NUMA1: variants seen among roughly 807,000 people sequenced by gnomAD.
NUMA1 encodes SP-H antigen.
NUMA1 carries 62 observed loss-of-function variants against 237.1 expected under a neutral mutation model. That is an observed-to-expected ratio of 0.26 (90% CI 0.21 to 0.32). NUMA1 has a LOEUF of 0.32. Among genes scored for constraint, NUMA1 ranks in the 10% least tolerant of loss-of-function variants. The probability of loss-of-function intolerance (pLI) is 1.00; values close to 1 mark genes in which losing one functional copy is unlikely to be tolerated. For missense variants in NUMA1, 2,533 were observed against 2,666.5 expected (o/e 0.95, Z 1.10); for synonymous variants, 1,028 against 1,066.1 (o/e 0.96, Z 0.70).
At chr11:72,065,793 T>C (rs1943171639) in intron 2 of NUMA1, 1 of 152,230 alleles carries the variant, frequency 6.6e-6, no homozygotes, top group African/African-American at 2.4e-5. Flanking sequence ...TCATAATGTA[T>C]ATGCCTAAGA....
Position 72,018,300 on chromosome 11 carries a change from G to C in NUMA1, c.861C>G (p.Ser287Arg). 1 of 1,613,666 alleles carries C rather than the reference G, an allele frequency of 6.2e-7. No homozygotes were observed. Among genetic ancestry groups the C allele is most frequent in the Non-Finnish European group, 8.5e-7 (1 of 1,179,518 alleles). ...GGGTTTCATGCAGCCGCATGGTAAGGCTGCGAGGGAGGGAAGCAGTGAGAA... is the reference window on the plus strand; with the variant it reads ...GGGTTTCATGCAGCCGCATGGTAAGCCTGCGAGGGAGGGAAGCAGTGAGAA... Reference protein sequence around the residue: ...ELEELRDKNESLTMRLHETLK... With the variant: ...ELEELRDKNERLTMRLHETLK... The change falls in exon 12 of 27, where the codon AGC becomes AGG. Residue 287 changes from serine to arginine, a missense_variant and splice_region_variant. Around this residue, in one of 3 missense-constraint regions of NUMA1, gnomAD observed 1,414 missense variants for 1,508.1 expected, o/e 0.94. Coordinates refer to ENST00000393695, the MANE Select transcript of NUMA1 (RefSeq NM_006185.4).
intron 1 of NUMA1, among the ~76,000 whole-genome samples, chr11:72,079,479 G>A (rs1478563492): frequency 6.6e-6 from 1 of 152,006 alleles, no homozygotes; most frequent in Non-Finnish European, 1.5e-5. Flanking sequence ...GGCAGAGGTT[G>A]CAGTGAGCCG....
At chr11:72,052,210 C>G (rs763711884) in intron 2 of NUMA1, among the ~76,000 whole-genome samples, 1 of 152,076 alleles carries the variant, frequency 6.6e-6, no homozygotes, top group Non-Finnish European at 1.5e-5. Flanking sequence ...TTCTTGCTTT[C>G]ATGGAAAGAT....
chr11:72,028,152 A>C lies in NUMA1; in HGVS notation c.128+1053T>G, dbSNP rs1339918245. Among the ~76,000 whole-genome samples, 17 of 152,238 alleles carry C rather than the reference A, an allele frequency of 1.1e-4. 1 individual carries two copies. On this transcript the variant is annotated intron_variant, in intron 4 of 26. Coordinates refer to ENST00000393695, the MANE Select transcript of NUMA1 (RefSeq NM_006185.4). Reference sequence around the variant, plus strand: ...TGGCCCCGCTAGACCTTGCTGATAGAGAACACCAACTCATCTCTTCACTCA... The same window carrying C: ...TGGCCCCGCTAGACCTTGCTGATAGCGAACACCAACTCATCTCTTCACTCA...
Position 72,015,028 on chromosome 11 carries a change from T to C in NUMA1, c.2475A>G (p.Ala825=), listed in dbSNP as rs777614169. 2 of 1,614,160 alleles carry C rather than the reference T, an allele frequency of 1.2e-6. No homozygotes were observed. The highest frequency in any genetic ancestry group is 1.7e-6 in the Non-Finnish European group (2 of 1,180,042). The change falls in exon 15 of 27, where the codon GCA becomes GCG. Residue 825 remains alanine (A), a synonymous_variant. Transcript: ENST00000393695. This position sits in a 1 kb window ranked among gnomAD's most constrained non-coding sequence, Gnocchi z 4.0. The part of the protein sequence containing the change: ...ERYEDSQQEE[A]QYGAMFQEQL... Reference sequence around the variant, plus strand: ...GTTCCTGGAACATGGCGCCATACTGTGCCTCCTCTTGCTGGCTATCCTCAT... The same window carrying C: ...GTTCCTGGAACATGGCGCCATACTGCGCCTCCTCTTGCTGGCTATCCTCAT...
At chr11:72,057,800 T>C (rs1456502028) in intron 2 of NUMA1, among the ~76,000 whole-genome samples, 1 of 150,994 alleles carries the variant, frequency 6.6e-6, no homozygotes, top group Non-Finnish European at 1.5e-5. Context: ...CTGGGTGCGG[T>C]GGCTCACGCC....
chr11:72,005,791 A>C, intron 22 of NUMA1: 1 of 544,878 alleles, frequency 1.8e-6, no homozygotes, highest in Non-Finnish European at 3.2e-6. Flanking sequence ...CCCCACAGCT[A>C]AGTGTCACAA....
intron 1 of NUMA1, among the ~76,000 whole-genome samples, chr11:72,079,602 G>A (rs1256769515): frequency 6.6e-6 from 1 of 152,118 alleles, no homozygotes; most frequent in Non-Finnish European, 1.5e-5. Context: ...CCCAGAGGCG[G>A]CAGCATCAAC....
intron 2 of NUMA1, among the ~76,000 whole-genome samples, chr11:72,043,220 T>C (rs183830120): frequency 1.3e-5 from 2 of 149,912 alleles, no homozygotes; most frequent in African/African-American, 4.9e-5. Context: ...TAGTAGCTGG[T>C]GGGGCACGGT....
intron 2 of NUMA1, chr11:72,066,552 C>T (rs1943210023): frequency 6.6e-6 from 1 of 152,192 alleles, no homozygotes; most frequent in African/African-American, 2.4e-5. Context: ...AGCTGTGTGC[C>T]TTTGCCCATG....
At chr11:72,070,718 G>A (rs1308499812) in intron 1 of NUMA1, among the ~76,000 whole-genome samples, 1 of 152,116 alleles carries the variant, frequency 6.6e-6, no homozygotes, top group Non-Finnish European at 1.5e-5. Context: ...GCAGTGAGCT[G>A]AGACCGTGCC....
At chr11:72,005,851 A>G (rs1590858025) in intron 22 of NUMA1, 184 bp downstream of exon 22, 1 of 604,842 alleles carries the variant, frequency 1.7e-6, no homozygotes, top group East Asian at 2.8e-5. Context: ...TGCCCCCAAC[A>G]CAGCCAGCCC....
chr11:72,038,162 G>A (rs1014443090), intron 2 of NUMA1, among the ~76,000 whole-genome samples: 3 of 152,122 alleles, frequency 2.0e-5, no homozygotes, highest in African/African-American at 4.8e-5. Context: ...CCAACACTTC[G>A]AAATTTTATC....
chr11:72,022,313 G>A, intron 7 of NUMA1, 26 bp downstream of exon 7: 32 of 1,530,320 alleles, frequency 2.1e-5, no homozygotes, highest in Non-Finnish European at 2.8e-5. Context: ...AGGCCTGCTA[G>A]GTGGCATGGA....
intron 9 of NUMA1, 129 bp from the exon 10 acceptor site, chr11:72,019,109 T>C (rs1279990340): frequency 8.5e-6 from 8 of 945,338 alleles, no homozygotes; most frequent in Non-Finnish European, 1.3e-5. Flanking sequence ...TGCACCTGGG[T>C]TGTTTGCAGT....
At chr11:72,011,187 G>A (rs2134784434) in intron 16 of NUMA1, among the ~76,000 whole-genome samples, 1 of 152,282 alleles carries the variant, frequency 6.6e-6, no homozygotes, top group African/African-American at 2.4e-5. Context: ...CCACCTTGCT[G>A]CCGCCACACT....
intron 2 of NUMA1, chr11:72,050,690 A>G (rs1942287967): frequency 6.6e-6 from 1 of 152,230 alleles, no homozygotes; most frequent in Admixed American, 6.5e-5. Flanking sequence ...GTAAGGCTGC[A>G]GAGCCAGAAC....
chr11:72,040,157 G>A (rs1941492831), intron 2 of NUMA1, among the ~76,000 whole-genome samples: 1 of 152,102 alleles, frequency 6.6e-6, no homozygotes, highest in Admixed American at 6.5e-5. Context: ...AAACCAGTTT[G>A]GTCCATCTAA....
At chr11:72,069,016 A>G (rs1430873299) in intron 2 of NUMA1, among the ~76,000 whole-genome samples, 1 of 152,206 alleles carries the variant, frequency 6.6e-6, no homozygotes, top group African/African-American at 2.4e-5. Context: ...AGGATATTCA[A>G]AAGATTGGCT....
Sources: gnomAD v4.1 joint callset for allele counts (sites outside exome capture counted in the v4.1 genomes callset) on GRCh38, gnomAD v4.1.1 for gene constraint, gnomAD v4.1.1 regional missense constraint, Gnocchi (gnomAD v3.1) non-coding constraint, MANE v1.5 for transcripts, NCBI Gene and HGNC (gene_info 2026-07-23, HGNC 2026-07-21) for gene names.